Variants in CHRM3 observed in about 807,000 individuals in gnomAD.
CHRM3 encodes cholinergic receptor muscarinic 3, also known as muscarinic acetylcholine receptor M3.
In CHRM3, 11 loss-of-function variants were observed where a neutral mutation model predicts 41.8. The ratio of observed to expected loss-of-function variants is 0.26; its 90% confidence interval spans 0.17 to 0.44. The LOEUF is 0.44. CHRM3 is among the 20% of genes least tolerant of loss of function. CHRM3 has a pLI of 1.00. For missense variants in CHRM3, 571 were observed against 745.4 expected (o/e 0.77, Z 2.72); for synonymous variants, 297 against 301.4 (o/e 0.99, Z 0.15).
At chr1:239,730,154 CT>C (rs1441280725) in intron 5 of CHRM3, among the ~76,000 whole-genome samples, 2 of 151,910 alleles carry the variant, frequency 1.3e-5, no homozygotes, top group African/African-American at 4.8e-5. Flanking sequence ...AATTTAAAAA[CT>C]GTATAGTTGG....
At chr1:239,542,897 A>C (rs1572657075) in intron 2 of CHRM3, among the ~76,000 whole-genome samples, 1 of 152,286 alleles carries the variant, frequency 6.6e-6, no homozygotes, top group East Asian at 1.9e-4. Flanking sequence ...TCTCCATGGG[A>C]GTCCTATTAT....
intron 6 of CHRM3, among the ~76,000 whole-genome samples, chr1:239,868,318 A>G (rs548604160): frequency 5.1e-4 from 78 of 152,288 alleles, no homozygotes; most frequent in African/African-American, 1.8e-3. Flanking sequence ...TTGATTTTAC[A>G]GCTGTCACTA....
chr1:239,683,700 T>A (rs1443176138), intron 5 of CHRM3, among the ~76,000 whole-genome samples: 1 of 152,200 alleles, frequency 6.6e-6, no homozygotes, highest in African/African-American at 2.4e-5. Context: ...TAGAAACAGC[T>A]CTACTTGTGA....
intron 3 of CHRM3, among the ~76,000 whole-genome samples, chr1:239,584,243 A>G (rs2148604575): frequency 6.6e-6 from 1 of 151,184 alleles, no homozygotes; most frequent in Non-Finnish European, 1.5e-5. Context: ...AGCTGGGATT[A>G]CAGGTGTGTG....
At chr1:239,391,980 T>G (rs1241652745) in intron 1 of CHRM3, among the ~76,000 whole-genome samples, 1 of 152,138 alleles carries the variant, frequency 6.6e-6, no homozygotes, top group African/African-American at 2.4e-5. Context: ...CTCACCTCAG[T>G]TTCTCTAACT....
At chr1:239,553,034 C>T (rs1054404574) in intron 3 of CHRM3, among the ~76,000 whole-genome samples, 1 of 152,056 alleles carries the variant, frequency 6.6e-6, no homozygotes, top group Admixed American at 6.6e-5. Flanking sequence ...GTCTCTCAAT[C>T]GTCGCAAGTC....
At chr1:239,549,767 G>A (rs1043677220) in intron 3 of CHRM3, among the ~76,000 whole-genome samples, 5 of 151,562 alleles carry the variant, frequency 3.3e-5, no homozygotes, top group East Asian at 3.9e-4. Flanking sequence ...GCAGAATGAC[G>A]CATTTCATTC....
intron 4 of CHRM3, among the ~76,000 whole-genome samples, chr1:239,652,482 T>C (rs1672327122): frequency 6.6e-6 from 1 of 152,250 alleles, no homozygotes; most frequent in Non-Finnish European, 1.5e-5. Flanking sequence ...AAAGTGTTTA[T>C]GTAGTGCCTA....
At position 239,859,437 on chromosome 1, in the gene CHRM3, T is replaced by G. The variant is rs1165928426; in HGVS notation, c.-20+32059T>G. Among the ~76,000 whole-genome samples, 36 of 150,678 alleles carry G rather than the reference T, an allele frequency of 2.4e-4. No individual in the cohort carries two copies. In the East Asian group the frequency reaches 3.9e-3, roughly 16 times the overall value. ...TGTTGTTGTTTTTTTTTTTTGTTTT[T>G]TTTTTTGAGGTGGAGTCTCACTCTG... On this transcript the variant is annotated intron_variant, in intron 6 of 6. Transcript: ENST00000676153.
chr1:239,416,921 A>C (rs1661545408), intron 1 of CHRM3, among the ~76,000 whole-genome samples: 1 of 152,218 alleles, frequency 6.6e-6, no homozygotes, highest in Non-Finnish European at 1.5e-5. Context: ...GGAACATGAT[A>C]GCAAAGATGG....
intron 5 of CHRM3, among the ~76,000 whole-genome samples, chr1:239,763,770 T>C (rs190413363): frequency 2.0e-5 from 3 of 151,784 alleles, no homozygotes; most frequent in Admixed American, 2.0e-4. Flanking sequence ...ATTTAAGACC[T>C]TTTCTCTCGG....
chr1:239,870,244 A>G (rs892401909), intron 6 of CHRM3, among the ~76,000 whole-genome samples: 1 of 152,192 alleles, frequency 6.6e-6, no homozygotes, highest in Admixed American at 6.5e-5. Flanking sequence ...GTAGGGTCAC[A>G]CAGGGAAGTT....
chr1:239,863,057 A>G (rs890796077), intron 6 of CHRM3, among the ~76,000 whole-genome samples: 1 of 152,194 alleles, frequency 6.6e-6, no homozygotes, highest in African/African-American at 2.4e-5. Context: ...TTTGCCCATA[A>G]GGAGTTTCTA....
At chr1:239,851,840 G>T (rs1251816962) in intron 6 of CHRM3, among the ~76,000 whole-genome samples, 1 of 152,074 alleles carries the variant, frequency 6.6e-6, no homozygotes. Flanking sequence ...TTATAAAAAA[G>T]CAGTTTCTAA....
intron 5 of CHRM3, among the ~76,000 whole-genome samples, chr1:239,764,672 G>C (rs1467529106): frequency 6.6e-6 from 1 of 152,186 alleles, no homozygotes; most frequent in Admixed American, 6.5e-5. Flanking sequence ...AAACAATTAT[G>C]TTAACAGGCA....
At chr1:239,445,704 A>G (rs1032805435) in intron 1 of CHRM3, among the ~76,000 whole-genome samples, 26 of 152,218 alleles carry the variant, frequency 1.7e-4, no homozygotes. Context: ...CTGTTTCAAG[A>G]ATAGTGCTTA....
chr1:239,802,696 TAG>T (rs1273651219), intron 5 of CHRM3, among the ~76,000 whole-genome samples: 1 of 152,118 alleles, frequency 6.6e-6, no homozygotes, highest in African/African-American at 2.4e-5. Context: ...TCCCTGGGCT[TAG>T]GTGATCCTCC....
intron 3 of CHRM3, among the ~76,000 whole-genome samples, chr1:239,612,955 C>A (rs932531425): frequency 6.6e-6 from 1 of 152,200 alleles, no homozygotes; most frequent in Non-Finnish European, 1.5e-5. Flanking sequence ...ACTCCCCTAA[C>A]TATGGAGTTA....
At chr1:239,654,053 C>G (rs1421449718) in intron 4 of CHRM3, among the ~76,000 whole-genome samples, 1 of 152,108 alleles carries the variant, frequency 6.6e-6, no homozygotes, top group East Asian at 1.9e-4. Flanking sequence ...CCTCAACTTC[C>G]CAGGCTCGAA....
Sources: allele counts gnomAD v4.1 joint callset (sites outside exome capture counted in the v4.1 genomes callset), GRCh38; gene constraint gnomAD v4.1.1; transcripts MANE v1.5; gene names NCBI Gene and HGNC (gene_info 2026-07-23, HGNC 2026-07-21).